Variants in TAOK1 observed in about 807,000 individuals in gnomAD.
The protein encoded by TAOK1 is TAO kinase 1.
TAOK1 carries 21 observed loss-of-function variants against 138.3 expected under a neutral mutation model. The observed-to-expected ratio is 0.15, with a 90% CI of 0.11 to 0.22. The LOEUF is 0.22. Ranked by LOEUF, TAOK1 falls within the 10% of genes least tolerant of loss-of-function variation. The probability of loss-of-function intolerance (pLI) is 1.00; values close to 1 mark genes in which losing one functional copy is unlikely to be tolerated. For synonymous variants in TAOK1, 361 were observed against 398.4 expected (o/e 0.91, Z 1.12); for missense variants, 651 against 1,227.7 (o/e 0.53, Z 7.02).
rs2032460002 is a variant in TAOK1, at chr17:29,549,754, A to G, written c.*6732A>G. 6.6e-6 allele frequency: 1 copy of G among 152,098 alleles called. No individual in the cohort carries two copies. Among genetic ancestry groups the G allele is most frequent in the South Asian group, 2.1e-4 (1 of 4,822 alleles). The allele number at this position is 152,098 out of a possible 1,614,324, so 9.4% of individuals were successfully genotyped here. A position where few individuals can be genotyped will look rare whatever the true frequency, so the allele number is the denominator to read the frequency against. ...ACAAGTTTATATATAACTTACCAAG[A>G]TGTTGGCTGTCCTGGTGTATTGCCA... is the stretch of plus-strand genomic sequence containing the variant. On this transcript the variant is annotated 3_prime_UTR_variant, in exon 20 of 20. Coordinates refer to ENST00000261716, the MANE Select transcript of TAOK1 (RefSeq NM_020791.4).
chr17:29,474,853 T>A (rs2681184), intron 3 of TAOK1, among the ~76,000 whole-genome samples: 95,041 of 149,822 alleles, frequency 0.63, 31,344 homozygotes, highest in East Asian at 0.97. Context: ...CAATTTGTTT[T>A]AAAAAAAAAA....
rs189614594 is a variant in TAOK1, at chr17:29,427,675, C to T, written c.-94-23780C>T. 3.3e-5 allele frequency among the ~76,000 whole-genome samples: 5 copies of T among 151,824 alleles called. No individual in the cohort carries two copies. In the East Asian group the frequency reaches 9.7e-4, roughly 29 times the overall value. ...GGCGTAGTGGCTCACGCCTGTAATC[C>T]CAGCACTTTGGGAAGCCAAGGTGGG... On this transcript the variant is annotated intron_variant, in intron 1 of 19. Coordinates refer to ENST00000261716, the MANE Select transcript of TAOK1 (RefSeq NM_020791.4).
At chr17:29,433,105 A>G (rs1905903347) in intron 1 of TAOK1, among the ~76,000 whole-genome samples, 1 of 152,114 alleles carries the variant, frequency 6.6e-6, no homozygotes, top group Non-Finnish European at 1.5e-5. Context: ...ATGCAAGAGA[A>G]TGTAAGTAGA....
At position 29,477,692 on chromosome 17, in the gene TAOK1, C is replaced by T; in HGVS notation, c.338C>T (p.Ser113Leu). 7.1e-7 allele frequency: 1 copy of T among 1,410,708 alleles called. No homozygotes were observed. Among genetic ancestry groups the T allele is most frequent in the Non-Finnish European group, 9.3e-7 (1 of 1,071,488 alleles). 87.4% of individuals were successfully genotyped at this position (1,410,708 alleles called of 1,614,324 possible). The change falls in exon 5 of 20, where the codon TCG (serine) becomes TTG (leucine). Residue 113 changes from serine (S) to leucine (L), a missense_variant. Coordinates refer to ENST00000261716, the MANE Select transcript of TAOK1 (RefSeq NM_020791.4). ...LVMEYCLGSA[S>L]DLLEVHKKPL... ...ATGGAATATTGTTTAGGATCTGCTTCGGATTTACTAGAAGGTAAGTTCCCT... is the reference window on the plus strand; with the variant it reads ...ATGGAATATTGTTTAGGATCTGCTTTGGATTTACTAGAAGGTAAGTTCCCT...
chr17:29,393,561 A>C (rs1056491825), intron 1 of TAOK1, among the ~76,000 whole-genome samples: 1 of 152,202 alleles, frequency 6.6e-6, no homozygotes, highest in African/African-American at 2.4e-5. Context: ...AGTTGATTCT[A>C]GATTAGTATG....
intron 12 of TAOK1, among the ~76,000 whole-genome samples, chr17:29,501,680 C>T (rs1458318834): frequency 6.6e-6 from 1 of 151,634 alleles, no homozygotes; most frequent in Non-Finnish European, 1.5e-5. Flanking sequence ...CTACATGTTT[C>T]ATCAGCTTTG....
At chr17:29,415,002 T>C (rs6505126) in intron 1 of TAOK1, among the ~76,000 whole-genome samples, 122,015 of 152,000 alleles carry the variant, frequency 0.8, 49,755 homozygotes, top group East Asian at 0.98. Flanking sequence ...TTCGCTCTGT[T>C]GCCCAGGTTG....
At position 29,454,177 on chromosome 17, in the gene TAOK1, G is replaced by T. The variant is rs557249075; in HGVS notation, c.132+2497G>T. 4.6e-5 allele frequency among the ~76,000 whole-genome samples: 7 copies of T among 152,148 alleles called. No individual in the cohort carries two copies. The East Asian group carries it at 1.2e-3, about 25-fold the overall frequency. On this transcript the variant is annotated intron_variant, in intron 2 of 19. Coordinates refer to ENST00000261716, the MANE Select transcript of TAOK1 (RefSeq NM_020791.4). ...TCCCAGTACATCTGTTAAAGAGACTGTTATTTCCCCCATTGAATTGTCTTG... is the reference window on the plus strand; with the variant it reads ...TCCCAGTACATCTGTTAAAGAGACTTTTATTTCCCCCATTGAATTGTCTTG...
chr17:29,433,668 C>G (rs1000437283), intron 1 of TAOK1, among the ~76,000 whole-genome samples: 1 of 151,918 alleles, frequency 6.6e-6, no homozygotes, highest in South Asian at 2.1e-4. Context: ...GCACTTCCCG[C>G]CCTGCCATTC....
At chr17:29,527,454 G>A (rs2150770426) in intron 17 of TAOK1, among the ~76,000 whole-genome samples, 1 of 152,250 alleles carries the variant, frequency 6.6e-6, no homozygotes, top group Middle Eastern at 3.4e-3. Flanking sequence ...ACAACAGAGT[G>A]AGACTGTCTC....
At chr17:29,522,808 C>T (rs2031941409) in intron 17 of TAOK1, among the ~76,000 whole-genome samples, 1 of 152,154 alleles carries the variant, frequency 6.6e-6, no homozygotes, top group Non-Finnish European at 1.5e-5. Flanking sequence ...GGTGCAGTGG[C>T]TCACGCCTGT....
chr17:29,517,240 A>G (rs2031834928), intron 15 of TAOK1, among the ~76,000 whole-genome samples: 1 of 152,022 alleles, frequency 6.6e-6, no homozygotes, highest in African/African-American at 2.4e-5. Flanking sequence ...TGCCCGCCTC[A>G]GCCTCCAAAA....
rs191669804 is a variant in TAOK1 at position 29,493,691 on chromosome 17, A to C, written c.831+1826A>C. ...CACAGCCCTATTTGAAATGATAGGA[A>C]ATAGTTATCATGAGCTTCTTATCTT... On this transcript the variant is annotated intron_variant, in intron 10 of 19. Coordinates refer to ENST00000261716, the MANE Select transcript of TAOK1 (RefSeq NM_020791.4). 3.5e-4 allele frequency among the ~76,000 whole-genome samples: 54 copies of C among 152,220 alleles called. No homozygotes were observed. In the East Asian group the frequency reaches 8.7e-3, roughly 24 times the overall value.
chr17:29,538,825 A>G (rs532252572), intron 19 of TAOK1, among the ~76,000 whole-genome samples: 3 of 152,236 alleles, frequency 2.0e-5, no homozygotes, highest in Non-Finnish European at 4.4e-5. Context: ...TAAATGTTAA[A>G]TTATATGTGA....
At position 29,551,138 on chromosome 17, in the gene TAOK1, T is replaced by C. The variant is rs571028695; in HGVS notation, c.*8116T>C. The C allele has an allele frequency of 6.6e-6, 1 of 152,344 alleles. No individual in the cohort carries two copies. Among genetic ancestry groups the C allele is most frequent in the South Asian group, 2.1e-4 (1 of 4,828 alleles). The allele number at this position is 152,344 out of a possible 1,614,324, so 9.4% of individuals were successfully genotyped here. A position where few individuals can be genotyped will look rare whatever the true frequency, so the allele number is the denominator to read the frequency against. ...ATGTTAATTAAGCAAGAGGTTCTTTTCTAAAAGTGGTATCTGTTATCCACA... is the reference window on the plus strand; with the variant it reads ...ATGTTAATTAAGCAAGAGGTTCTTTCCTAAAAGTGGTATCTGTTATCCACA... On this transcript the variant is annotated 3_prime_UTR_variant, in exon 20 of 20. Transcript: ENST00000261716.
intron 2 of TAOK1, among the ~76,000 whole-genome samples, chr17:29,459,114 C>G (rs528976420): frequency 6.6e-6 from 1 of 152,244 alleles, no homozygotes; most frequent in East Asian, 1.9e-4. Context: ...TTTTCAGCTT[C>G]CTTTTCTGAG....
chr17:29,496,861 C>T (rs1192541728), intron 11 of TAOK1, among the ~76,000 whole-genome samples: 1 of 152,094 alleles, frequency 6.6e-6, no homozygotes, highest in African/African-American at 2.4e-5. Flanking sequence ...GCTAGGATTA[C>T]AGGTGTGAGC....
chr17:29,543,007 CAT>C lies in TAOK1; in HGVS notation c.2992_2993del (p.Met998ValfsTer6). 6.3e-7 allele frequency: 1 copy of C among 1,597,102 alleles called. No individual in the cohort carries two copies. The highest frequency in any genetic ancestry group is 8.5e-7 in the Non-Finnish European group (1 of 1,169,780). ...VTSQISNGSH[M>X]SYT ...CTTCACAAATATCCAATGGGTCACA[CAT>C]GTCTTATACATAACTTAATAATTGA... On this transcript the variant is annotated frameshift_variant, in exon 20 of 20. Coordinates refer to ENST00000261716, the MANE Select transcript of TAOK1 (RefSeq NM_020791.4). LOFTEE classifies it high-confidence loss of function.
Position 29,551,011 on chromosome 17 carries a change from A to AAAG in TAOK1, c.*7991_*7992insGAA, listed in dbSNP as rs5819871. ...GTCAATTGCTTTTTTATTTAAAAAA[A>AAAG]AAAAGAAAAAAAGCTGTAACCTTAT... On this transcript the variant is annotated 3_prime_UTR_variant, in exon 20 of 20. Transcript: ENST00000261716. The AAAG allele has an allele frequency of 0.39, 59,879 of 152,018 alleles. 13,064 individuals carry two copies. The highest frequency in any genetic ancestry group is 0.53 in the Middle Eastern group (155 of 290). 9.4% of individuals were successfully genotyped at this position (152,018 alleles called of 1,614,324 possible).
Sources: allele counts gnomAD v4.1 joint callset (sites outside exome capture counted in the v4.1 genomes callset), GRCh38; gene constraint gnomAD v4.1.1; transcripts MANE v1.5; gene names NCBI Gene and HGNC (gene_info 2026-07-23, HGNC 2026-07-21).